Variants in OR2L13 observed in about 807,000 individuals in gnomAD.
OR2L13 encodes the protein olfactory receptor family 2 subfamily L member 13, also known as olfactory receptor 2L13.
In OR2L13, 14 loss-of-function variants were observed where a neutral mutation model predicts 15.3. That is an observed-to-expected ratio of 0.91 (90% CI 0.60 to 1.43). The LOEUF is 1.43. OR2L13 is among the 40% of genes most tolerant of loss of function. The pLI, the probability that OR2L13 is intolerant of heterozygous loss-of-function variation, is 0.00. For missense variants in OR2L13, 367 were observed against 387.9 expected, an observed-to-expected ratio of 0.95 and a Z score of 0.45; for synonymous variants, 152 against 142.9, an observed-to-expected ratio of 1.06 and a Z score of -0.45.
the OR2L13 span, among the ~76,000 whole-genome samples, chr1:248,017,471 C>T: frequency 6.6e-6 from 1 of 152,162 alleles, no homozygotes; most frequent in Non-Finnish European, 1.5e-5. Flanking sequence ...ACGTCTCCTG[C>T]CACTCACCAC....
At chr1:248,082,439 G>T in the OR2L13 span, among the ~76,000 whole-genome samples, 1 of 149,212 alleles carries the variant, frequency 6.7e-6, no homozygotes, top group Non-Finnish European at 1.5e-5. Context: ...CATGGCACAT[G>T]TATACATATG....
exon 3 of OR2L13, chr1:248,100,012 A>G (rs749931463): frequency 6.2e-7 from 1 of 1,614,146 alleles, no homozygotes; most frequent in South Asian, 1.1e-5. Flanking sequence ...TTTCATTGGC[A>G]TCACTTCTTC....
chr1:247,982,252 C>T, the OR2L13 span, among the ~76,000 whole-genome samples: 1 of 152,186 alleles, frequency 6.6e-6, no homozygotes, highest in Non-Finnish European at 1.5e-5. Flanking sequence ...TATCTGGACT[C>T]AAGAGGACCA....
chr1:247,969,216 T>C, the OR2L13 span, among the ~76,000 whole-genome samples: 6 of 152,138 alleles, frequency 3.9e-5, no homozygotes, highest in Non-Finnish European at 7.4e-5. Flanking sequence ...TGTAAATTTG[T>C]TTAAGTTCTT....
At chr1:248,054,554 T>C in the OR2L13 span, among the ~76,000 whole-genome samples, 10 of 152,218 alleles carry the variant, frequency 6.6e-5, 1 homozygote, top group Admixed American at 6.5e-4. Context: ...TTCACAATAT[T>C]GATTCTTCCT....
the OR2L13 span, chr1:248,040,875 A>G: frequency 6.6e-6 from 1 of 152,222 alleles, no homozygotes; most frequent in Non-Finnish European, 1.5e-5. Flanking sequence ...AAACAAGAAC[A>G]TTAACATTTG....
the OR2L13 span, among the ~76,000 whole-genome samples, chr1:247,967,215 T>C: frequency 1.3e-5 from 2 of 152,210 alleles, no homozygotes; most frequent in East Asian, 1.9e-4. Context: ...TTCTTTCTTT[T>C]TTTGTTTGTT....
At chr1:248,048,478 G>A in the OR2L13 span, among the ~76,000 whole-genome samples, 2 of 152,148 alleles carry the variant, frequency 1.3e-5, no homozygotes. Context: ...GCTGTGGAGA[G>A]CTGTCCTTGT....
At chr1:248,097,652 CT>C (rs1224708138) in intron 1 of OR2L13, among the ~76,000 whole-genome samples, 1 of 152,190 alleles carries the variant, frequency 6.6e-6, no homozygotes. Context: ...CAAAATGTCT[CT>C]CTTCAAAACA....
At chr1:248,075,361 T>A in the OR2L13 span, among the ~76,000 whole-genome samples, 14 of 152,246 alleles carry the variant, frequency 9.2e-5, no homozygotes, top group Non-Finnish European at 1.9e-4. Context: ...CCTTTGGGTA[T>A]ATACCCAGTA....
chr1:248,022,768 C>A, the OR2L13 span: 1 of 1,614,056 alleles, frequency 6.2e-7, no homozygotes, highest in South Asian at 1.1e-5. Flanking sequence ...AAGGTTCTGG[C>A]TGTTTTCTAC....
the OR2L13 span, among the ~76,000 whole-genome samples, chr1:248,059,239 T>C: frequency 6.6e-6 from 1 of 152,166 alleles, no homozygotes; most frequent in Non-Finnish European, 1.5e-5. Flanking sequence ...TCTAGACTAA[T>C]ATTTAAGCCT....
chr1:247,959,069 A>C, the OR2L13 span, among the ~76,000 whole-genome samples: 5,713 of 152,282 alleles, frequency 0.038, 115 homozygotes, highest in African/African-American at 0.059. Flanking sequence ...ATGATTTTGC[A>C]GTGGCTGGTA....
chr1:247,958,302 A>T, the OR2L13 span, among the ~76,000 whole-genome samples: 13 of 152,310 alleles, frequency 8.5e-5, no homozygotes, highest in African/African-American at 2.9e-4. Context: ...CTGTGGTCTG[A>T]GAGACAGTTT....
the OR2L13 span, chr1:248,060,995 C>T: frequency 2.5e-6 from 4 of 1,614,048 alleles, no homozygotes; most frequent in Non-Finnish European, 3.4e-6. Context: ...TTCTTCTCGG[C>T]ATTAGGAGGT....
the OR2L13 span, among the ~76,000 whole-genome samples, chr1:248,042,835 A>C: frequency 6.6e-6 from 1 of 152,214 alleles, no homozygotes; most frequent in Non-Finnish European, 1.5e-5. Flanking sequence ...AAGTTTTTCA[A>C]ACTAAATCAA....
upstream of OR2L13, among the ~76,000 whole-genome samples, chr1:248,094,587 G>A (rs972474687): frequency 6.6e-6 from 1 of 152,148 alleles, no homozygotes; most frequent in South Asian, 2.1e-4. Context: ...TATTCTCTCT[G>A]ACTCTAAATG....
the OR2L13 span, among the ~76,000 whole-genome samples, chr1:248,036,726 T>G: frequency 6.6e-6 from 1 of 152,232 alleles, no homozygotes; most frequent in African/African-American, 2.4e-5. Context: ...TCGAACCACC[T>G]CTACCCAGAA....
the OR2L13 span, chr1:248,061,151 C>G: frequency 1.1e-5 from 18 of 1,613,182 alleles, no homozygotes; most frequent in Non-Finnish European, 1.4e-5. Flanking sequence ...AATGCTTGTG[C>G]TCACACTGTA....
Sources: allele counts gnomAD v4.1 joint callset (sites outside exome capture counted in the v4.1 genomes callset), GRCh38; gene constraint gnomAD v4.1.1; transcripts MANE v1.5; gene names NCBI Gene and HGNC (gene_info 2026-07-23, HGNC 2026-07-21).